GPR149: variants seen among roughly 807,000 people sequenced by gnomAD.
GPR149 encodes the protein probable G protein-coupled receptor 149.
GPR149 carries 50 observed loss-of-function variants against 50.2 expected under a neutral mutation model. The ratio of observed to expected loss-of-function variants is 1.00; its 90% confidence interval spans 0.79 to 1.26. The LOEUF (loss-of-function observed/expected upper bound fraction) is 1.26, where lower values mean the gene tolerates loss of function less well. Among genes scored for constraint, GPR149 ranks in the 50% most tolerant of loss-of-function variants. The pLI is 0.00. For missense variants in GPR149, 983 were observed against 895.4 expected, an observed-to-expected ratio of 1.10 and a Z score of -1.25; for synonymous variants, 405 against 358.2, an observed-to-expected ratio of 1.13 and a Z score of -1.48.
chr3:154,405,604 A>AAAAG (rs1711664185), intron 3 of GPR149, among the ~76,000 whole-genome samples: 1 of 150,980 alleles, frequency 6.6e-6, no homozygotes, highest in African/African-American at 2.4e-5. Context: ...AAAAAAAAAA[A>AAAAG]AAGTAGAAAG....
chr3:154,357,273 C>G (rs1397466225), intron 3 of GPR149, among the ~76,000 whole-genome samples: 2 of 151,884 alleles, frequency 1.3e-5, no homozygotes, highest in African/African-American at 4.8e-5. Context: ...TAGGCATGGG[C>G]AAGGACTTCA....
At chr3:154,412,014 T>G (rs1325940048) in intron 3 of GPR149, among the ~76,000 whole-genome samples, 1 of 152,152 alleles carries the variant, frequency 6.6e-6, no homozygotes, top group Admixed American at 6.5e-5. Flanking sequence ...ATCAAGTGGG[T>G]TTCATACCAG....
chr3:154,353,354 T>G, intron 3 of GPR149: 1 of 1,418,592 alleles, frequency 7.0e-7, no homozygotes, highest in Non-Finnish European at 1.0e-6. Context: ...GTGGGCAAGT[T>G]GCAGAAAAAA....
At chr3:154,378,088 CTTT>C (rs35650974) in intron 3 of GPR149, among the ~76,000 whole-genome samples, 692 of 57,248 alleles carry the variant, frequency 0.012, 15 homozygotes, top group African/African-American at 0.035. Context: ...TCCCCCCCCC[CTTT>C]TTTTTTTTTT....
chr3:154,391,189 A>C (rs1004756113), intron 3 of GPR149, among the ~76,000 whole-genome samples: 14 of 152,058 alleles, frequency 9.2e-5, no homozygotes, highest in Non-Finnish European at 1.9e-4. Context: ...GTAGTGGGTA[A>C]ACTTTTAATC....
At chr3:154,365,911 C>T (rs1270429379) in intron 3 of GPR149, among the ~76,000 whole-genome samples, 1 of 152,204 alleles carries the variant, frequency 6.6e-6, no homozygotes, top group Admixed American at 6.5e-5. Flanking sequence ...TCTTCTGAGA[C>T]CTCACCAGAA....
At position 154,428,845 on chromosome 3, in the gene GPR149, T is replaced by G. The variant is rs760092450; in HGVS notation, c.771A>C (p.Pro257=). Residue 257 remains proline (P), a synonymous_variant, in exon 1 of 4, where the codon CCA becomes CCC. Transcript: ENST00000389740. Reference sequence around the variant, plus strand: ...CCCCAGAGCGCCGCAGACTCGGGCCTGGAGCATCCTCTGGGGACAGGGAAA... The same window carrying G: ...CCCCAGAGCGCCGCAGACTCGGGCCGGGAGCATCCTCTGGGGACAGGGAAA... ...RVVSLSPEDA[P]GPSLRRSGGC... is the part of the protein sequence containing the mutation. The G allele has an allele frequency of 6.1e-5, 99 of 1,613,648 alleles. No individual in the cohort carries two copies. The Admixed American group carries it at 6.8e-4, about 11-fold the overall frequency.
At chr3:154,417,120 A>C (rs1576929020) in intron 3 of GPR149, among the ~76,000 whole-genome samples, 1 of 152,144 alleles carries the variant, frequency 6.6e-6, no homozygotes, top group East Asian at 1.9e-4. Flanking sequence ...CTAGAAAATT[A>C]TCATTTCATT....
chr3:154,408,331 C>G (rs1178102459), intron 3 of GPR149, among the ~76,000 whole-genome samples: 2 of 152,104 alleles, frequency 1.3e-5, no homozygotes, highest in Non-Finnish European at 2.9e-5. Flanking sequence ...ATCCACAGAC[C>G]CACTGAAGGA....
chr3:154,385,098 G>A (rs932796767), intron 3 of GPR149, among the ~76,000 whole-genome samples: 2 of 152,178 alleles, frequency 1.3e-5, no homozygotes, highest in African/African-American at 4.8e-5. Flanking sequence ...AAGTGTGAGT[G>A]CATAGCTGAG....
chr3:154,378,095 T>C (rs1330572701), intron 3 of GPR149, among the ~76,000 whole-genome samples: 1 of 146,600 alleles, frequency 6.8e-6, no homozygotes, highest in Non-Finnish European at 1.5e-5. Flanking sequence ...CCCCTTTTTT[T>C]TTTTTTGAGA....
At chr3:154,427,404 C>G in intron 2 of GPR149, 112 bp downstream of exon 2, 1 of 773,746 alleles carries the variant, frequency 1.3e-6, no homozygotes, top group Non-Finnish European at 2.1e-6. Flanking sequence ...TTACCACTGA[C>G]ATTTATCCTT....
chr3:154,428,810 G>C lies in GPR149; in HGVS notation c.806C>G (p.Pro269Arg), dbSNP rs1160143762. The change falls in exon 1 of 4, where the codon CCG (proline) becomes CGG (arginine). Residue 269 changes from proline to arginine, a missense_variant. Coordinates refer to ENST00000389740, the MANE Select transcript of GPR149 (RefSeq NM_001038705.3). ...PSLRRSGGCS[P>R]SSDTVFGPGA... ...CGGTCCGAACACGGTGTCGGAGCTC[G>C]GAGAGCATCCCCCAGAGCGCCGCAG... 6 of 1,613,736 alleles carry C rather than the reference G, an allele frequency of 3.7e-6. No individual in the cohort carries two copies. Among genetic ancestry groups the C allele is most frequent in the African/African-American group, 2.7e-5 (2 of 74,908 alleles).
intron 3 of GPR149, among the ~76,000 whole-genome samples, chr3:154,370,890 C>G (rs557174514): frequency 5.9e-5 from 9 of 152,272 alleles, no homozygotes; most frequent in African/African-American, 1.2e-4. Flanking sequence ...CCAAAAGTCC[C>G]ACACCCTTAT....
intron 1 of GPR149, 44 bp from the exon 2 acceptor site, chr3:154,427,752 T>G: frequency 1.9e-6 from 3 of 1,549,502 alleles, no homozygotes; most frequent in Non-Finnish European, 2.6e-6. Context: ...AAATTATACT[T>G]TGTACTTCTC....
chr3:154,415,940 T>G (rs13080773), intron 3 of GPR149, among the ~76,000 whole-genome samples: 1 of 151,724 alleles, frequency 6.6e-6, no homozygotes. Context: ...TTAAGATGAC[T>G]GGGTGGAGGC....
At chr3:154,370,360 C>T (rs1714636877) in intron 3 of GPR149, among the ~76,000 whole-genome samples, 1 of 152,182 alleles carries the variant, frequency 6.6e-6, no homozygotes, top group Admixed American at 6.5e-5. Flanking sequence ...CAGCCTTAGA[C>T]ATGGCCCTCA....
At chr3:154,400,427 G>A (rs993964770) in intron 3 of GPR149, among the ~76,000 whole-genome samples, 2 of 152,110 alleles carry the variant, frequency 1.3e-5, no homozygotes, top group East Asian at 1.9e-4. Flanking sequence ...GGGTAACCTC[G>A]AAGAGGGTCT....
chr3:154,376,834 A>G (rs1245649854), intron 3 of GPR149, among the ~76,000 whole-genome samples: 1 of 152,190 alleles, frequency 6.6e-6, no homozygotes. Context: ...TGGCCTTACC[A>G]TTTTACAGAT....
Sources: allele counts gnomAD v4.1 joint callset (sites outside exome capture counted in the v4.1 genomes callset), GRCh38; gene constraint gnomAD v4.1.1; transcripts MANE v1.5; gene names NCBI Gene and HGNC (gene_info 2026-07-23, HGNC 2026-07-21).